Variants in TRANK1 observed in about 807,000 individuals in gnomAD.
TRANK1 encodes TPR and ankyrin repeat-containing protein 1.
In TRANK1, 198 loss-of-function variants were observed where a neutral mutation model predicts 266.0. The ratio of observed to expected loss-of-function variants is 0.74; its 90% CI spans 0.66 to 0.84. TRANK1 has a LOEUF of 0.84. TRANK1 is among the 40% of genes least tolerant of loss of function. TRANK1 has a pLI of 0.00. For missense variants in TRANK1, 3,326 were observed against 3,634.6 expected, an observed-to-expected ratio of 0.92 and a Z score of 2.18; for synonymous variants, 1,396 against 1,384.1, an observed-to-expected ratio of 1.01 and a Z score of -0.19.
At chr3:36,886,457 G>A (rs920227303) in intron 8 of TRANK1, among the ~76,000 whole-genome samples, 2 of 152,094 alleles carry the variant, frequency 1.3e-5, no homozygotes, top group African/African-American at 4.8e-5. Context: ...AAAGTTGAAA[G>A]GGTTTCTGTG....
At chr3:36,873,992 G>A (rs2125574550) in intron 9 of TRANK1, 134 bp downstream of exon 9, 6 of 550,348 alleles carry the variant, frequency 1.1e-5, no homozygotes, top group Non-Finnish European at 1.6e-5. Context: ...GTTTTCCAAA[G>A]ATTGGTAGGT....
At chr3:36,917,666 G>A (rs530246588) in intron 1 of TRANK1, among the ~76,000 whole-genome samples, 1 of 152,326 alleles carries the variant, frequency 6.6e-6, no homozygotes, top group African/African-American at 2.4e-5. Context: ...TCATTACCAA[G>A]TATTTAGTAA....
chr3:36,883,685 C>T (rs183652185), intron 8 of TRANK1, among the ~76,000 whole-genome samples: 1 of 152,144 alleles, frequency 6.6e-6, no homozygotes, highest in East Asian at 1.9e-4. Flanking sequence ...TGGAAATGGC[C>T]AGGGTGCAAG....
At chr3:36,933,315 G>A (rs1337713897) in intron 1 of TRANK1, among the ~76,000 whole-genome samples, 3 of 152,280 alleles carry the variant, frequency 2.0e-5, no homozygotes, top group African/African-American at 7.2e-5. Context: ...TTGTTCAGGT[G>A]TGCTGTCATG....
chr3:36,872,285 C>G (rs1277554697), intron 9 of TRANK1, among the ~76,000 whole-genome samples: 2 of 152,140 alleles, frequency 1.3e-5, no homozygotes, highest in African/African-American at 4.8e-5. Flanking sequence ...CCTGTAATCC[C>G]AATGACTTGG....
Position 36,846,269 on chromosome 3 carries a change from C to A in TRANK1, c.5170G>T (p.Val1724Leu). Residue 1724 changes from valine (V) to leucine (L), a missense_variant, in exon 17 of 24, where the codon GTA (valine) becomes TTA (leucine). Val to Leu is a conservative substitution (Grantham distance 32). Transcript: ENST00000645898. ...TTACCTTTATTTTCATCTGTCTTTA[C>A]AACTTGGACAAAATCTCTTCTAATG... ...YFIRRDFVQV[V>L]KTDENKDFDD... 1 of 1,601,408 alleles carries A rather than the reference C, an allele frequency of 6.2e-7. No homozygotes were observed. The highest frequency in any genetic ancestry group is 1.7e-4 in the Middle Eastern group (1 of 6,050).
Position 36,874,020 on chromosome 3 carries a change from A to G in TRANK1, c.1078+106T>C, listed in dbSNP as rs539221860. The stretch of plus-strand genomic sequence containing the variant: ...TGGTAGGTCTCACTTCCATATATAT[A>G]TGTGTGTGTATATATATATATACCA... On this transcript the variant is annotated intron_variant, in intron 9 of 23. Transcript: ENST00000645898. 8.6e-5 allele frequency: 86 copies of G among 995,396 alleles called. 2 individuals are homozygous for G. The South Asian group carries it at 1.3e-3, about 15-fold the overall frequency. 61.7% of individuals were successfully genotyped at this position (995,396 alleles called of 1,614,324 possible). A position where few individuals can be genotyped will look rare whatever the true frequency, so the allele number is the denominator to read the frequency against.
intron 20 of TRANK1, 141 bp downstream of exon 20, chr3:36,838,231 C>G (rs1269209607): frequency 7.7e-6 from 10 of 1,303,926 alleles, no homozygotes; most frequent in Non-Finnish European, 1.1e-5. Context: ...AAGTAGGCTT[C>G]CCTTAGAGTC....
Position 36,833,333 on chromosome 3 carries a change from C to T in TRANK1, c.6250G>A (p.Ala2084Thr). ...EAEPEKILGL[A>T]PGGLEILLSL... is the part of the protein sequence containing the mutation. ...AGGAGGATTTCCAAGCCCCCTGGAG[C>T]CAGGCCCAGAATCTTCTCAGGCTCG... The change falls in exon 22 of 24, where the codon GCT (alanine) becomes ACT (threonine). Residue 2084 changes from alanine (A) to threonine (T), a missense_variant. Ala to Thr is a moderately conservative substitution (Grantham distance 58). Coordinates refer to ENST00000645898, the MANE Select transcript of TRANK1 (RefSeq NM_001329998.2). 6.2e-7 allele frequency: 1 copy of T among 1,613,978 alleles called. No homozygotes were observed. Among genetic ancestry groups the T allele is most frequent in the Non-Finnish European group, 8.5e-7 (1 of 1,179,870 alleles).
At chr3:36,928,204 T>C (rs1280021596) in intron 1 of TRANK1, among the ~76,000 whole-genome samples, 1 of 152,084 alleles carries the variant, frequency 6.6e-6, no homozygotes, top group Non-Finnish European at 1.5e-5. Flanking sequence ...GTACGCCCAA[T>C]AAAACCGCCG....
rs2079037426 is a variant in TRANK1, at chr3:36,855,361, A to G, written c.4361T>C (p.Ile1454Thr). ...QAELALLMKC[I>T]NDPNSMFLTG... ...GAGGAACATAGAGTTGGGGTCATTG[A>G]TGCATTTCATCAGCAGCGCCAGCTC... Residue 1454 changes from isoleucine to threonine, a missense_variant, in exon 13 of 24, where the codon ATC (isoleucine) becomes ACC (threonine). Coordinates refer to ENST00000645898, the MANE Select transcript of TRANK1 (RefSeq NM_001329998.2). The G allele has an allele frequency of 6.2e-7, 1 of 1,613,900 alleles. No homozygotes were observed.
intron 15 of TRANK1, 85 bp downstream of exon 15, chr3:36,851,634 C>A (rs1043861265): frequency 1.6e-5 from 23 of 1,473,668 alleles, no homozygotes; most frequent in Non-Finnish European, 2.0e-5. Flanking sequence ...ACTCTCTTAC[C>A]CTCAACTCCA....
In TRANK1 at chr3:36,879,778, A is replaced by ATAAATATATATAAATATG. The variant is rs2079466359; in HGVS notation, c.908-5483_908-5482insCATATTTATATATATTTA. On this transcript the variant is annotated intron_variant, in intron 8 of 23. Transcript: ENST00000645898. ...TATATATAAATATATATAAATATATATAAATATGTAAATATATAAATATAC... is the reference window on the plus strand; with the variant it reads ...TATATATAAATATATATAAATATATATAAATATATATAAATATGTAAATATGTAAATATATAAATATAC... Among the ~76,000 whole-genome samples the ATAAATATATATAAATATG allele has an allele frequency of 3.9e-5, 3 of 77,030 alleles. 1 individual carries two copies. The allele number at this position is 77,030 out of a possible 152,430, so 50.5% of individuals were successfully genotyped here.
In TRANK1 at chr3:36,856,532, G is replaced by A; in HGVS notation, c.3190C>T (p.Leu1064Phe). Residue 1064 changes from leucine to phenylalanine, a missense_variant, in exon 13 of 24, where the codon CTC becomes TTC. By Grantham distance (22) the Leu-to-Phe change is conservative. Transcript: ENST00000645898. ...ATGGGCTCCAGTGGCCTGGGATTGAGGTCGATCACCGCGTACTCAAGCTCA... is the reference window on the plus strand; with the variant it reads ...ATGGGCTCCAGTGGCCTGGGATTGAAGTCGATCACCGCGTACTCAAGCTCA... Reference protein sequence around the residue: ...VGELEYAVIDLNPRPLEPIIL... With the variant: ...VGELEYAVIDFNPRPLEPIIL... 1 of 1,613,990 alleles carries A rather than the reference G, an allele frequency of 6.2e-7. No homozygotes were observed.
rs559597960 is a variant in TRANK1 at position 36,847,091 on chromosome 3, G to A, written c.5034+109C>T. 1.6e-5 allele frequency: 21 copies of A among 1,337,512 alleles called. 1 individual carries two copies. The highest frequency in any genetic ancestry group is 3.8e-4 in the Middle Eastern group (2 of 5,264). 82.9% of individuals were successfully genotyped at this position (1,337,512 alleles called of 1,614,324 possible). A position where few individuals can be genotyped will look rare whatever the true frequency, so the allele number is the denominator to read the frequency against. ...TTCTTATCCTCAATTCCCCGTTGCT[G>A]AGGAAAACCAGCCAAGTGCAAGCTC... On this transcript the variant is annotated intron_variant, in intron 16 of 23. Transcript: ENST00000645898.
intron 1 of TRANK1, among the ~76,000 whole-genome samples, chr3:36,910,184 G>T (rs1406424616): frequency 6.6e-6 from 1 of 151,834 alleles, no homozygotes; most frequent in Non-Finnish European, 1.5e-5. Context: ...ATGAAAAGTG[G>T]GTAAATAGGA....
chr3:36,943,318 A>G (rs2080523109), intron 1 of TRANK1, among the ~76,000 whole-genome samples: 1 of 152,178 alleles, frequency 6.6e-6, no homozygotes, highest in African/African-American at 2.4e-5. Flanking sequence ...ATATATGTAT[A>G]TATAATATTA....
intron 1 of TRANK1, among the ~76,000 whole-genome samples, chr3:36,918,564 T>TAGGTAGGA (rs2080166237): frequency 6.4e-5 from 1 of 15,646 alleles, no homozygotes; most frequent in African/African-American, 2.1e-4. Flanking sequence ...GGAAGGAAGG[T>TAGGTAGGA]AGGAAGGAAG....
intron 22 of TRANK1, among the ~76,000 whole-genome samples, chr3:36,829,965 T>C (rs2078672939): frequency 6.6e-6 from 1 of 152,208 alleles, no homozygotes; most frequent in African/African-American, 2.4e-5. Context: ...ATCTGAATTA[T>C]GGAACATTTT....
Sources: gnomAD v4.1 joint callset for allele counts (sites outside exome capture counted in the v4.1 genomes callset) on GRCh38, gnomAD v4.1.1 for gene constraint, MANE v1.5 for transcripts, NCBI Gene and HGNC (gene_info 2026-07-23, HGNC 2026-07-21) for gene names.